The following NLRP1 variants were observed in gnomAD, a reference collection of about 807,000 sequenced individuals.
The protein encoded by NLRP1 is NLR family pyrin domain containing 1.
Under a neutral mutation model 136.7 loss-of-function variants are expected in NLRP1, and 94 were observed. The ratio of observed to expected loss-of-function variants is 0.69; its 90% CI spans 0.58 to 0.82. The LOEUF (loss-of-function observed/expected upper bound fraction) is 0.82. Ranked by LOEUF, NLRP1 falls within the 40% of genes least tolerant of loss-of-function variation. NLRP1 has a pLI of 0.00. For missense variants in NLRP1, 1,575 were observed against 1,802.7 expected (o/e 0.87, Z 2.29); for synonymous variants, 690 against 725.1 (o/e 0.95, Z 0.78).
downstream of NLRP1, chr17:5,512,326 G>A (rs2151730388): frequency 7.1e-7 from 1 of 1,405,948 alleles, no homozygotes; most frequent in East Asian, 2.3e-5. Flanking sequence ...TTCGCCAAGA[G>A]GCGGGTCTAC....
At position 5,541,294 on chromosome 17, in the gene NLRP1, C is replaced by T. The variant is rs1204751992; in HGVS notation, c.2699+563G>A. ...CTCCTGACCTCAAGTGATCTGCCTG[C>T]CTCGACCTCCCAAAGTGCTGGGATG... On this transcript the variant is annotated intron_variant, in intron 6 of 16. Transcript: ENST00000572272. The surrounding 1 kb of genome is among the most constrained non-coding windows in gnomAD (Gnocchi z 4.2). Among the ~76,000 whole-genome samples the T allele has an allele frequency of 6.6e-6, 1 of 152,186 alleles. No individual in the cohort carries two copies. Among genetic ancestry groups the T allele is most frequent in the African/African-American group, 2.4e-5 (1 of 41,454 alleles).
rs540048932 is a variant in NLRP1 at position 5,583,123 on chromosome 17, C to G, written c.272-277G>C. ...AATCACTACTCCTACTGAGCCTCAGCTGTGCTTTATTGGGCCAACGGCATC... is the reference window on the plus strand; with the variant it reads ...AATCACTACTCCTACTGAGCCTCAGGTGTGCTTTATTGGGCCAACGGCATC... On this transcript the variant is annotated intron_variant, in intron 1 of 16. Coordinates refer to ENST00000572272, the MANE Select transcript of NLRP1 (RefSeq NM_033004.4). The surrounding 1 kb of genome is among the most constrained non-coding windows in gnomAD (Gnocchi z 4.5). Among the ~76,000 whole-genome samples, 12 of 152,282 alleles carry G rather than the reference C, an allele frequency of 7.9e-5. No homozygotes were observed. The East Asian group carries it at 2.3e-3, about 29-fold the overall frequency.
chr17:5,528,725 T>C (rs183046276), intron 12 of NLRP1, among the ~76,000 whole-genome samples: 3 of 152,316 alleles, frequency 2.0e-5, no homozygotes, highest in Non-Finnish European at 4.4e-5. Context: ...TACCTTTATT[T>C]TGAGGTGATA....
At chr17:5,525,520 T>A (rs1391057511) in intron 12 of NLRP1, among the ~76,000 whole-genome samples, 2 of 152,194 alleles carry the variant, frequency 1.3e-5, no homozygotes, top group African/African-American at 2.4e-5. Context: ...CCCTTCCTGC[T>A]GAGTGTGTGT....
chr17:5,549,773 A>C (rs983319004), intron 5 of NLRP1, among the ~76,000 whole-genome samples: 4 of 152,166 alleles, frequency 2.6e-5, no homozygotes, highest in African/African-American at 9.7e-5. Flanking sequence ...TCTTATTCCT[A>C]ATCTTAGGGG....
intron 5 of NLRP1, among the ~76,000 whole-genome samples, chr17:5,548,107 C>T (rs1270609688): frequency 6.6e-6 from 1 of 152,170 alleles, no homozygotes; most frequent in Non-Finnish European, 1.5e-5. Flanking sequence ...CCACGACCCT[C>T]ACATGGGCCA....
downstream of NLRP1, among the ~76,000 whole-genome samples, chr17:5,511,438 C>CAAAA (rs1363570277): frequency 7.1e-5 from 4 of 56,720 alleles, no homozygotes; most frequent in African/African-American, 2.4e-4. Context: ...GAGCCTCCGT[C>CAAAA]TAAAAAAAAA....
intron 3 of NLRP1, among the ~76,000 whole-genome samples, chr17:5,568,225 G>A (rs187684615): frequency 5.9e-5 from 9 of 151,928 alleles, no homozygotes; most frequent in Admixed American, 3.9e-4. Flanking sequence ...AGATCCTGCA[G>A]GTGTGTTTCA....
intron 9 of NLRP1, 85 bp from the exon 10 acceptor site, chr17:5,533,469 T>C (rs1910587355): frequency 1.5e-6 from 1 of 684,158 alleles, no homozygotes; most frequent in Admixed American, 2.1e-5. Context: ...GGTGGGAGGA[T>C]TGTTTGAGCT....
Position 5,581,885 on chromosome 17 carries a change from T to G in NLRP1, c.626A>C (p.Asp209Ala). The change falls in exon 3 of 17, where the codon GAT becomes GCT. Residue 209 changes from aspartate to alanine, a missense_variant. By Grantham distance (126) the Asp-to-Ala change is moderately radical. Transcript: ENST00000572272. ...QEAPGTQWPL[D>A]ETSGIYYTEI... is the part of the protein sequence containing the mutation. Reference sequence around the variant, plus strand: ...TGTGTAGTAAATTCCTGACGTTTCATCCAGAGGCCATTGGGTCCCAGGAGC... The same window carrying G: ...TGTGTAGTAAATTCCTGACGTTTCAGCCAGAGGCCATTGGGTCCCAGGAGC... The G allele has an allele frequency of 6.2e-7, 1 of 1,612,912 alleles. No homozygotes were observed. The highest frequency in any genetic ancestry group is 1.1e-5 in the South Asian group (1 of 91,042).
At chr17:5,521,369 C>T (rs1908875529) in intron 13 of NLRP1, among the ~76,000 whole-genome samples, 155 bp downstream of exon 13, 1 of 152,152 alleles carries the variant, frequency 6.6e-6, no homozygotes, top group South Asian at 2.1e-4. Context: ...CAGTCCAAGA[C>T]TGAGAGGGGA....
At chr17:5,539,908 TTTTTC>T (rs1232414164) in intron 6 of NLRP1, among the ~76,000 whole-genome samples, 2 of 152,178 alleles carry the variant, frequency 1.3e-5, no homozygotes, top group Non-Finnish European at 2.9e-5. Context: ...CTGTTTTCTC[TTTTTC>T]TTTTTTCTTT....
chr17:5,536,996 C>A, intron 7 of NLRP1, 56 bp from the exon 8 acceptor site: 2 of 1,260,532 alleles, frequency 1.6e-6, no homozygotes, highest in Middle Eastern at 1.9e-4. Context: ...GTCCCCAGGT[C>A]CCCAGGGCCC....
rs10643993 is a variant in NLRP1, at chr17:5,525,979, A to ATTT, written c.3521-4196_3521-4194dup. Among the ~76,000 whole-genome samples, 61 of 147,830 alleles carry ATTT rather than the reference A, an allele frequency of 4.1e-4. 1 individual carries two copies. The highest frequency in any genetic ancestry group is 6.0e-4 in the Admixed American group (9 of 14,884). On this transcript the variant is annotated intron_variant, in intron 12 of 16. Transcript: ENST00000572272. ...GGGTCTGGGAAGAAAAAGCTACTAA[A>ATTT]TTTTTTTTTTTTTTGAGACAGAGTC... is the stretch of plus-strand genomic sequence containing the variant.
Position 5,515,499 on chromosome 17 carries a change from G to A in NLRP1, c.4076C>T (p.Thr1359Ile), listed in dbSNP as rs199928158. Residue 1359 changes from threonine (T) to isoleucine (I), a missense_variant, in exon 16 of 17, where the codon ACT becomes ATT. Coordinates refer to ENST00000572272, the MANE Select transcript of NLRP1 (RefSeq NM_033004.4). ...LVKPGDLMPA[T>I]TLIPPARIAV... ...TATGCGGGCTGGAGGGATCAGAGTA[G>A]TTGCAGGCATGAGATCTCCTGGAGG... is the stretch of plus-strand genomic sequence containing the variant. 3.1e-6 allele frequency: 5 copies of A among 1,613,760 alleles called. No homozygotes were observed. The highest frequency in any genetic ancestry group is 4.2e-6 in the Non-Finnish European group (5 of 1,179,648).
chr17:5,576,654 G>T (rs563113825), intron 3 of NLRP1, among the ~76,000 whole-genome samples: 3 of 151,506 alleles, frequency 2.0e-5, no homozygotes, highest in African/African-American at 7.2e-5. Context: ...AATCCAGACG[G>T]ATTCACAGCC....
intron 15 of NLRP1, 119 bp downstream of exon 15, chr17:5,517,627 C>T (rs1191205732): frequency 4.4e-6 from 5 of 1,138,520 alleles, no homozygotes; most frequent in Non-Finnish European, 6.4e-6. Context: ...ACCTTGTGAT[C>T]TGCCTGCCTC....
chr17:5,582,797 AG>A lies in NLRP1; in HGVS notation c.320del (p.Ser107PhefsTer11), dbSNP rs1261566850. On this transcript the variant is annotated frameshift_variant, in exon 2 of 17. Coordinates refer to ENST00000572272, the MANE Select transcript of NLRP1 (RefSeq NM_033004.4). LOFTEE classifies it high-confidence loss of function. ...PYSPSEPHLG[S>X]PSQPTSTAVL... is the part of the protein sequence containing the mutation. ...CTGCGGTGGAGGTGGGTTGGCTGGG[AG>A]ACCCCAGGTGGGGTTCACTTGGGCT... is the stretch of plus-strand genomic sequence containing the variant. The A allele has an allele frequency of 1.2e-6, 2 of 1,613,812 alleles. No homozygotes were observed. The highest frequency in any genetic ancestry group is 1.7e-6 in the Non-Finnish European group (2 of 1,179,906).
chr17:5,582,944 A>T, intron 1 of NLRP1, 98 bp from the exon 2 acceptor site: 1 of 914,342 alleles, frequency 1.1e-6, no homozygotes, highest in Non-Finnish European at 1.6e-6. Flanking sequence ...AAGAGAGGTC[A>T]GGATACACCA....
Sources: allele counts gnomAD v4.1 joint callset (sites outside exome capture counted in the v4.1 genomes callset), GRCh38; gene constraint gnomAD v4.1.1; non-coding constraint Gnocchi (gnomAD v3.1); transcripts MANE v1.5; gene names NCBI Gene and HGNC (gene_info 2026-07-23, HGNC 2026-07-21).